The following DNAAF11 variants were observed in gnomAD, a reference collection of about 807,000 sequenced individuals.
The protein encoded by DNAAF11 is dynein axonemal assembly factor 11.
A neutral mutation model predicts 60.8 loss-of-function variants in DNAAF11; 45 were observed. That is an observed-to-expected ratio of 0.74 (90% CI 0.58 to 0.95). DNAAF11 has a LOEUF of 0.95. Among genes scored for constraint, DNAAF11 ranks in the 40% least tolerant of loss-of-function variants. The pLI, the probability that DNAAF11 is intolerant of heterozygous loss-of-function variation, is 0.00. For synonymous variants in DNAAF11, 191 were observed against 183.5 expected, an observed-to-expected ratio of 1.04 and a Z score of -0.33; for missense variants, 546 against 546.2, an observed-to-expected ratio of 1.00 and a Z score of 0.00.
At chr8:132,657,077 G>C (rs952565672) in intron 2 of DNAAF11, among the ~76,000 whole-genome samples, 170 bp from the exon 3 acceptor site, 3 of 152,058 alleles carry the variant, frequency 2.0e-5, no homozygotes, top group African/African-American at 7.3e-5. Context: ...GGCTGCCTAA[G>C]GAGGACCCAT....
At chr8:132,689,243 A>G in the DNAAF11 span, among the ~76,000 whole-genome samples, 2 of 152,162 alleles carry the variant, frequency 1.3e-5, no homozygotes, top group African/African-American at 4.8e-5. Context: ...TGGACATTAG[A>G]GTATTTCTAT....
At chr8:132,675,963 C>T (rs1825745112), upstream of DNAAF11, among the ~76,000 whole-genome samples, 1 of 152,196 alleles carries the variant, frequency 6.6e-6, no homozygotes, top group Admixed American at 6.5e-5. Flanking sequence ...TCCTTCTCCT[C>T]AGTTTGCACA....
At chr8:132,606,552 C>T (rs564270556) in intron 10 of DNAAF11, among the ~76,000 whole-genome samples, 28 of 152,292 alleles carry the variant, frequency 1.8e-4, no homozygotes, top group African/African-American at 4.6e-4. Context: ...AATGCAGCCT[C>T]GATGTAGCCT....
chr8:132,589,278 A>G (rs1356706559), intron 10 of DNAAF11, among the ~76,000 whole-genome samples: 1 of 152,186 alleles, frequency 6.6e-6, no homozygotes, highest in East Asian at 1.9e-4. Context: ...CTAGCACGAA[A>G]TATGTGGCAG....
the DNAAF11 span, among the ~76,000 whole-genome samples, chr8:132,681,402 A>C: frequency 6.6e-6 from 1 of 151,030 alleles, no homozygotes; most frequent in African/African-American, 2.4e-5. Flanking sequence ...CATCTTACAG[A>C]TAAAGAAATT....
At chr8:132,615,133 T>A in intron 7 of DNAAF11, 36 bp from the exon 8 acceptor site, 1 of 1,275,102 alleles carries the variant, frequency 7.8e-7, no homozygotes. Context: ...AAAAGAGATG[T>A]CTTTAGGATA....
At chr8:132,601,300 C>T (rs1370486515) in intron 10 of DNAAF11, among the ~76,000 whole-genome samples, 8 of 151,956 alleles carry the variant, frequency 5.3e-5, no homozygotes, top group Non-Finnish European at 1.0e-4. Context: ...TGTGGAGAAA[C>T]AGGAACACTT....
intron 1 of DNAAF11, among the ~76,000 whole-genome samples, chr8:132,665,027 T>A (rs1310744954): frequency 6.6e-6 from 1 of 151,930 alleles, no homozygotes; most frequent in East Asian, 1.9e-4. Flanking sequence ...TGGACAGCAA[T>A]GATTATATAC....
chr8:132,609,640 G>C (rs757736034), intron 10 of DNAAF11, among the ~76,000 whole-genome samples: 3 of 152,104 alleles, frequency 2.0e-5, no homozygotes, highest in Non-Finnish European at 4.4e-5. Context: ...TCTCATGCAA[G>C]ATAGGAACAT....
chr8:132,668,310 T>C (rs961432349), intron 1 of DNAAF11, among the ~76,000 whole-genome samples: 4 of 152,280 alleles, frequency 2.6e-5, no homozygotes, highest in African/African-American at 9.6e-5. Flanking sequence ...CTTACTGGAG[T>C]GTGCTACTGA....
the DNAAF11 span, among the ~76,000 whole-genome samples, chr8:132,685,880 T>C: frequency 3.0e-4 from 45 of 152,202 alleles, 1 homozygote; most frequent in Non-Finnish European, 1.0e-4. Flanking sequence ...TGGGTGGGCA[T>C]AAGGGTCCCA....
chr8:132,697,100 A>G, the DNAAF11 span, among the ~76,000 whole-genome samples: 1 of 152,200 alleles, frequency 6.6e-6, no homozygotes, highest in African/African-American at 2.4e-5. Context: ...TTCCATTTAC[A>G]TGAAATGTCC....
At chr8:132,686,274 G>C in the DNAAF11 span, among the ~76,000 whole-genome samples, 1 of 152,118 alleles carries the variant, frequency 6.6e-6, no homozygotes, top group Non-Finnish European at 1.5e-5. Flanking sequence ...TAGACTGGGA[G>C]AGCCTGGTTT....
the DNAAF11 span, among the ~76,000 whole-genome samples, chr8:132,690,441 T>C: frequency 6.6e-6 from 1 of 152,328 alleles, no homozygotes; most frequent in Middle Eastern, 3.4e-3. Context: ...GAGGTCTCCC[T>C]ACCCTTGCCG....
At chr8:132,667,299 T>A (rs1824732205) in intron 1 of DNAAF11, among the ~76,000 whole-genome samples, 1 of 152,230 alleles carries the variant, frequency 6.6e-6, no homozygotes, top group Non-Finnish European at 1.5e-5. Context: ...CTGGAGATAA[T>A]GTTAGCATTA....
intron 3 of DNAAF11, among the ~76,000 whole-genome samples, chr8:132,654,812 G>A (rs1231874517): frequency 2.0e-5 from 3 of 151,586 alleles, no homozygotes; most frequent in African/African-American, 7.3e-5. Flanking sequence ...TTTTATTTAT[G>A]GCTCCATAAA....
chr8:132,693,470 T>C, the DNAAF11 span, among the ~76,000 whole-genome samples: 14 of 144,090 alleles, frequency 9.7e-5, no homozygotes, highest in South Asian at 2.2e-4. Flanking sequence ...TGTGTGTGTG[T>C]GCGTGTGTAT....
At chr8:132,664,959 A>G (rs1824487612) in intron 1 of DNAAF11, among the ~76,000 whole-genome samples, 1 of 152,206 alleles carries the variant, frequency 6.6e-6, no homozygotes, top group South Asian at 2.1e-4. Context: ...CCTTAGCATG[A>G]ATAACTAAAT....
At chr8:132,641,850 A>G (rs1478467358) in intron 3 of DNAAF11, among the ~76,000 whole-genome samples, 1 of 152,236 alleles carries the variant, frequency 6.6e-6, no homozygotes, top group Non-Finnish European at 1.5e-5. Context: ...TTCAATGTTT[A>G]ATGTTATAAG....
Sources: allele counts gnomAD v4.1 joint callset (sites outside exome capture counted in the v4.1 genomes callset), GRCh38; gene constraint gnomAD v4.1.1; transcripts MANE v1.5; gene names NCBI Gene and HGNC (gene_info 2026-07-23, HGNC 2026-07-21).